UGP2: variants seen among roughly 807,000 people sequenced by gnomAD.
The protein encoded by UGP2 is UTP--glucose-1-phosphate uridylyltransferase.
Under a neutral mutation model 49.0 loss-of-function variants are expected in UGP2, and 40 were observed. That is an observed-to-expected ratio of 0.82 (90% confidence interval 0.63 to 1.06). The LOEUF (loss-of-function observed/expected upper bound fraction) is 1.06. Ranked by LOEUF, UGP2 falls within the 50% of genes least tolerant of loss-of-function variation. The probability of loss-of-function intolerance (pLI) is 0.00; values close to 1 mark genes in which losing one functional copy is unlikely to be tolerated. For missense variants in UGP2, 460 were observed against 603.5 expected, an observed-to-expected ratio of 0.76 and a Z score of 2.49; for synonymous variants, 225 against 213.0, an observed-to-expected ratio of 1.06 and a Z score of -0.49.
In UGP2 at chr2:63,851,159, C is replaced by T. The variant is rs1342512520; in HGVS notation, c.20-5147C>T. On this transcript the variant is annotated intron_variant, in intron 1 of 9. Transcript: ENST00000337130. ...AGGTAATATTTAAACTGAACTCTGA[C>T]AAATGAATAGGAGCTATTCAAACTA... 2.6e-5 allele frequency among the ~76,000 whole-genome samples: 4 copies of T among 152,130 alleles called. No homozygotes were observed. In the East Asian group the frequency reaches 7.7e-4, roughly 29 times the overall value.
intron 3 of UGP2, among the ~76,000 whole-genome samples, chr2:63,869,914 T>G (rs1459527594): frequency 6.6e-6 from 1 of 150,788 alleles, no homozygotes; most frequent in Non-Finnish European, 1.5e-5. Flanking sequence ...TTAGAGTAAT[T>G]AAAATTAATT....
intron 3 of UGP2, among the ~76,000 whole-genome samples, chr2:63,864,690 C>G (rs1342322480): frequency 1.3e-5 from 2 of 152,184 alleles, no homozygotes; most frequent in South Asian, 2.1e-4. Flanking sequence ...CCAGTTACCA[C>G]CAGTGTTTGA....
At chr2:63,872,036 G>C (rs144226535) in intron 3 of UGP2, among the ~76,000 whole-genome samples, 2,686 of 152,296 alleles carry the variant, frequency 0.018, 33 homozygotes, top group Non-Finnish European at 0.022. Flanking sequence ...ATATGTAAAC[G>C]AATGAGTATG....
chr2:63,883,076 G>A (rs781703204), intron 4 of UGP2, among the ~76,000 whole-genome samples: 13 of 152,260 alleles, frequency 8.5e-5, no homozygotes, highest in Admixed American at 3.3e-4. Context: ...GTCATTAATC[G>A]TACACCATAA....
chr2:63,865,553 T>TTTC (rs397984829), intron 3 of UGP2, among the ~76,000 whole-genome samples: 1 of 149,926 alleles, frequency 6.7e-6, no homozygotes, highest in Admixed American at 6.7e-5. Flanking sequence ...TTTTTTTTTT[T>TTTC]AAAGAGACAG....
intron 1 of UGP2, chr2:63,855,438 A>T (rs577237186): frequency 2.1e-6 from 1 of 475,996 alleles, no homozygotes. Flanking sequence ...AAATAAGATG[A>T]TTACTTTCTA....
intron 3 of UGP2, among the ~76,000 whole-genome samples, chr2:63,859,599 A>T (rs1054103121): frequency 6.6e-6 from 1 of 152,168 alleles, no homozygotes; most frequent in African/African-American, 2.4e-5. Context: ...GAAAGTTCTG[A>T]TAAATTCTTT....
In UGP2 at chr2:63,891,298, A is replaced by C; in HGVS notation, c.*71A>C. The C allele has an allele frequency of 2.3e-6, 3 of 1,323,022 alleles. No individual in the cohort carries two copies. Among genetic ancestry groups the C allele is most frequent in the South Asian group, 2.5e-5 (2 of 79,750 alleles). The allele number at this position is 1,323,022 out of a possible 1,614,324, so 82.0% of individuals were successfully genotyped here. ...AATGAAATGTTCTCTAGGATTCTAA[A>C]ATAGGCAGGTACTTTACTATGTTAC... is the stretch of plus-strand genomic sequence containing the variant. On this transcript the variant is annotated 3_prime_UTR_variant, in exon 10 of 10. Coordinates refer to ENST00000337130, the MANE Select transcript of UGP2 (RefSeq NM_006759.4).
At chr2:63,857,684 G>A in intron 2 of UGP2, 145 bp from the exon 3 acceptor site, 1 of 841,574 alleles carries the variant, frequency 1.2e-6, no homozygotes, top group Non-Finnish European at 1.9e-6. Context: ...CTTTTAGGAT[G>A]TGAAAAAGTC....
At chr2:63,870,981 G>A (rs1670509128) in intron 3 of UGP2, among the ~76,000 whole-genome samples, 1 of 152,166 alleles carries the variant, frequency 6.6e-6, no homozygotes, top group Non-Finnish European at 1.5e-5. Context: ...ACTCCTTGAT[G>A]GGGCATACAT....
intron 3 of UGP2, among the ~76,000 whole-genome samples, chr2:63,879,264 C>G (rs1040642643): frequency 6.6e-6 from 1 of 152,080 alleles, no homozygotes; most frequent in African/African-American, 2.4e-5. Context: ...ATCTAATGTA[C>G]TGAGTTTTAT....
chr2:63,877,148 G>A (rs1670960383), intron 3 of UGP2, among the ~76,000 whole-genome samples: 2 of 152,214 alleles, frequency 1.3e-5, no homozygotes, highest in Non-Finnish European at 2.9e-5. Context: ...CATCAGCATG[G>A]TTATCTGGTA....
At chr2:63,876,466 AT>A (rs1468513186) in intron 3 of UGP2, among the ~76,000 whole-genome samples, 1 of 151,964 alleles carries the variant, frequency 6.6e-6, no homozygotes, top group Non-Finnish European at 1.5e-5. Context: ...CACTTGAAAT[AT>A]TTCTCCCGTC....
chr2:63,841,291 TGA>T (rs1374116449), upstream of UGP2: 1 of 149,954 alleles, frequency 6.7e-6, no homozygotes, highest in Non-Finnish European at 1.5e-5. Context: ...ACCCCCTGGA[TGA>T]GTGTGTTTCC....
At chr2:63,865,170 T>C (rs1236007382) in intron 3 of UGP2, among the ~76,000 whole-genome samples, 2 of 152,176 alleles carry the variant, frequency 1.3e-5, no homozygotes, top group Non-Finnish European at 2.9e-5. Context: ...TTATTGGGAA[T>C]GCAAAAATAA....
intron 3 of UGP2, among the ~76,000 whole-genome samples, chr2:63,860,762 A>ATTTTTTTTTTTTTTTTTTTTT (rs556819048): frequency 8.1e-6 from 1 of 123,702 alleles, no homozygotes; most frequent in Non-Finnish European, 1.7e-5. Context: ...GGCCCAGCTA[A>ATTTTTTTTTTTTTTTTTTTTT]TTTTTTTTTT....
rs1425004663 is a variant in UGP2 at position 63,885,657 on chromosome 2, C to T, written c.644C>T (p.Thr215Ile). Residue 215 changes from threonine (T) to isoleucine (I), a missense_variant, in exon 6 of 10, where the codon ACA becomes ATA. Thr to Ile is a moderately conservative substitution (Grantham distance 89). Around this residue, in one of 2 missense-constraint regions of UGP2, gnomAD observed 317 missense variants for 473.0 expected, o/e 0.67. Coordinates refer to ENST00000337130, the MANE Select transcript of UGP2 (RefSeq NM_006759.4). ...AKDVSYSGEN[T>I]EAWYPPGHGD... The stretch of plus-strand genomic sequence containing the variant: ...GACGTGTCTTACTCAGGGGAAAATA[C>T]AGAAGCTTGGTACCCTCCAGGTCAT... 6.2e-7 allele frequency: 1 copy of T among 1,611,848 alleles called. No homozygotes were observed. Among genetic ancestry groups the T allele is most frequent in the Non-Finnish European group, 8.5e-7 (1 of 1,179,202 alleles).
chr2:63,887,260 T>C, intron 7 of UGP2, 142 bp from the exon 8 acceptor site: 7 of 1,158,280 alleles, frequency 6.0e-6, no homozygotes, highest in Non-Finnish European at 8.4e-6. Context: ...TCAAGACTCC[T>C]TCTCAAAAAA....
intron 3 of UGP2, among the ~76,000 whole-genome samples, chr2:63,861,305 TGGACA>T (rs1669825332): frequency 6.6e-6 from 1 of 152,134 alleles, no homozygotes; most frequent in East Asian, 1.9e-4. Flanking sequence ...ACGTTGGGCA[TGGACA>T]GGGATGGGAA....
Sources: allele counts gnomAD v4.1 joint callset (sites outside exome capture counted in the v4.1 genomes callset), GRCh38; gene constraint gnomAD v4.1.1; regional missense constraint gnomAD v4.1.1; transcripts MANE v1.5; gene names NCBI Gene and HGNC (gene_info 2026-07-23, HGNC 2026-07-21).